The following CNTN5 variants were observed in gnomAD, a reference collection of about 807,000 sequenced individuals.
CNTN5 encodes the protein contactin-5.
CNTN5 carries 77 observed loss-of-function variants against 129.1 expected under a neutral mutation model. The ratio of observed to expected loss-of-function variants is 0.60; its 90% confidence interval spans 0.50 to 0.72. The LOEUF (loss-of-function observed/expected upper bound fraction) is 0.72. CNTN5 is among the 30% of genes least tolerant of loss of function. The pLI is 0.00. For missense variants in CNTN5, 1,478 were observed against 1,328.8 expected (o/e 1.11, Z -1.75); for synonymous variants, 509 against 465.6 (o/e 1.09, Z -1.20).
intron 2 of CNTN5, among the ~76,000 whole-genome samples, chr11:99,535,486 G>A (rs1947866955): frequency 6.6e-6 from 1 of 152,104 alleles, no homozygotes. Context: ...TCAAAATATT[G>A]TTGCCAAAAT....
chr11:99,727,813 C>T (rs1332736737), intron 3 of CNTN5, among the ~76,000 whole-genome samples: 1 of 151,896 alleles, frequency 6.6e-6, no homozygotes, highest in African/African-American at 2.4e-5. Context: ...GTGTTTTTGC[C>T]CATTTTAAAT....
chr11:99,732,178 C>T (rs79531350), intron 3 of CNTN5, among the ~76,000 whole-genome samples: 13 of 152,030 alleles, frequency 8.6e-5, no homozygotes, highest in South Asian at 4.2e-4. Flanking sequence ...AGTTGTTAGA[C>T]GCAGAGCCAA....
At position 100,063,908 on chromosome 11, in the gene CNTN5, A is replaced by G. The variant is rs147756607; in HGVS notation, c.1162+2515A>G. Reference sequence around the variant, plus strand: ...AATATTACAAATAAAAAATAAAAGTATGTCGGTTATCATGTATTCATCCAA... The same window carrying G: ...AATATTACAAATAAAAAATAAAAGTGTGTCGGTTATCATGTATTCATCCAA... On this transcript the variant is annotated intron_variant, in intron 10 of 24. Transcript: ENST00000524871. 3.4e-3 allele frequency among the ~76,000 whole-genome samples: 511 copies of G among 152,064 alleles called. 3 individuals are homozygous for G. Among genetic ancestry groups the G allele is most frequent in the Non-Finnish European group, 5.9e-3 (401 of 67,958 alleles).
At chr11:99,772,650 A>G (rs76429902) in intron 3 of CNTN5, among the ~76,000 whole-genome samples, 1 of 152,228 alleles carries the variant, frequency 6.6e-6, no homozygotes, top group South Asian at 2.1e-4. Context: ...TTGTTTTGCT[A>G]AATAAATATT....
intron 3 of CNTN5, among the ~76,000 whole-genome samples, chr11:99,771,554 G>A (rs1211911108): frequency 6.6e-6 from 1 of 151,940 alleles, no homozygotes; most frequent in African/African-American, 2.4e-5. Flanking sequence ...GACAAGGAAA[G>A]ACAAATGCTG....
At chr11:100,123,043 T>A (rs2138172972) in intron 13 of CNTN5, among the ~76,000 whole-genome samples, 1 of 152,124 alleles carries the variant, frequency 6.6e-6, no homozygotes, top group African/African-American at 2.4e-5. Context: ...ACTGTGAATT[T>A]GCTTCCAGGG....
In CNTN5 at chr11:99,640,720, C is replaced by T. The variant is rs117742881; in HGVS notation, c.55+84451C>T. Among the ~76,000 whole-genome samples the T allele has an allele frequency of 3.2e-3, 492 of 152,226 alleles. 2 individuals are homozygous for T. Among genetic ancestry groups the T allele is most frequent in the Non-Finnish European group, 4.9e-3 (331 of 68,016 alleles). On this transcript the variant is annotated intron_variant, in intron 3 of 24. Coordinates refer to ENST00000524871, the MANE Select transcript of CNTN5 (RefSeq NM_014361.4). ...TTAGCCTAGAAGCAATAGGCTATAC[C>T]ATACCTATAGTCTAAGTATGTAGTA...
chr11:99,451,025 G>A (rs10893353), intron 2 of CNTN5, among the ~76,000 whole-genome samples: 1 of 151,832 alleles, frequency 6.6e-6, no homozygotes, highest in Non-Finnish European at 1.5e-5. Flanking sequence ...TGATATATCC[G>A]ACACAGTTTC....
intron 3 of CNTN5, among the ~76,000 whole-genome samples, chr11:99,713,993 G>T (rs77910469): frequency 0.02 from 2,975 of 151,908 alleles, 91 homozygotes; most frequent in African/African-American, 0.067. Flanking sequence ...GAAATTTTCC[G>T]CAGACACAAA....
intron 13 of CNTN5, 94 bp downstream of exon 13, chr11:100,074,388 C>A: frequency 1.9e-6 from 2 of 1,043,588 alleles, no homozygotes; most frequent in Non-Finnish European, 1.4e-6. Context: ...TCTTGCAGTA[C>A]CGTGAGACGT....
chr11:99,809,326 G>T (rs1246502048), intron 3 of CNTN5, among the ~76,000 whole-genome samples: 1 of 152,080 alleles, frequency 6.6e-6, no homozygotes, highest in African/African-American at 2.4e-5. Flanking sequence ...ATTATAAAGT[G>T]ATCTCCTTGA....
In CNTN5 at chr11:99,559,677, T is replaced by A. The variant is rs78715487; in HGVS notation, c.55+3408T>A. Among the ~76,000 whole-genome samples, 134 of 152,306 alleles carry A rather than the reference T, an allele frequency of 8.8e-4. 3 individuals carry two copies. In the East Asian group the frequency reaches 0.016, roughly 18 times the overall value. On this transcript the variant is annotated intron_variant, in intron 3 of 24. Coordinates refer to ENST00000524871, the MANE Select transcript of CNTN5 (RefSeq NM_014361.4). ...TACAAAGCTAAACACAATTTTGTCA[T>A]ATGATCAAACAGTAGGTCTTCTAGG... is the stretch of plus-strand genomic sequence containing the variant.
chr11:100,027,452 A>C (rs1941481925), intron 9 of CNTN5, among the ~76,000 whole-genome samples: 1 of 152,182 alleles, frequency 6.6e-6, no homozygotes, highest in Admixed American at 6.5e-5. Flanking sequence ...TGCCTCCCTA[A>C]TTATGATATT....
At chr11:99,459,963 G>T (rs1327494600) in intron 2 of CNTN5, among the ~76,000 whole-genome samples, 2 of 151,944 alleles carry the variant, frequency 1.3e-5, no homozygotes, top group African/African-American at 4.8e-5. Context: ...TAGACACATG[G>T]AAATTAGGAG....
chr11:99,875,742 T>C (rs1346510215), intron 6 of CNTN5, among the ~76,000 whole-genome samples: 1 of 152,094 alleles, frequency 6.6e-6, no homozygotes. Flanking sequence ...TGTACCTTTT[T>C]TAAAGGATAT....
At chr11:99,461,004 A>G (rs1944677005) in intron 2 of CNTN5, among the ~76,000 whole-genome samples, 1 of 152,126 alleles carries the variant, frequency 6.6e-6, no homozygotes, top group South Asian at 2.1e-4. Flanking sequence ...TCAACAGGTG[A>G]ATGGGTAAAT....
chr11:100,043,454 C>T (rs1222020658), intron 9 of CNTN5, among the ~76,000 whole-genome samples: 1 of 152,108 alleles, frequency 6.6e-6, no homozygotes, highest in African/African-American at 2.4e-5. Flanking sequence ...GACTTAAGGA[C>T]ATAGGAAAGG....
chr11:99,735,676 GACAA>G (rs1459265643), intron 3 of CNTN5, among the ~76,000 whole-genome samples: 8 of 152,242 alleles, frequency 5.3e-5, no homozygotes, highest in African/African-American at 1.2e-4. Flanking sequence ...AGGTATAATT[GACAA>G]ACAGACGTTA....
intron 1 of CNTN5, among the ~76,000 whole-genome samples, chr11:99,244,402 G>A (rs1861716778): frequency 6.6e-6 from 1 of 152,026 alleles, no homozygotes; most frequent in Non-Finnish European, 1.5e-5. Context: ...TTATTCATTG[G>A]TGTAACCCCA....
Sources: gnomAD v4.1 joint callset for allele counts (sites outside exome capture counted in the v4.1 genomes callset) on GRCh38, gnomAD v4.1.1 for gene constraint, MANE v1.5 for transcripts, NCBI Gene and HGNC (gene_info 2026-07-23, HGNC 2026-07-21) for gene names.